The following STYK1 variants were observed in gnomAD, a reference collection of about 807,000 sequenced individuals.
STYK1 encodes STY kinase 1.
In STYK1, 46 loss-of-function variants were observed where a neutral mutation model predicts 48.1. That is an observed-to-expected ratio of 0.96 (90% CI 0.75 to 1.22). STYK1 has a LOEUF of 1.22. Ranked by LOEUF, STYK1 falls within the 50% of genes most tolerant of loss-of-function variation. The pLI, the probability that STYK1 is intolerant of heterozygous loss-of-function variation, is 0.00. For synonymous variants in STYK1, 188 were observed against 189.0 expected (o/e 0.99, Z 0.04); for missense variants, 527 against 521.1 (o/e 1.01, Z -0.11).
chr12:10,643,156 C>A (rs1465051823), intron 1 of STYK1, among the ~76,000 whole-genome samples: 1 of 152,230 alleles, frequency 6.6e-6, no homozygotes, highest in Non-Finnish European at 1.5e-5. Context: ...CTGGAGCCCT[C>A]ACCTGAATGC....
chr12:10,660,777 A>G (rs1947768707), intron 1 of STYK1, among the ~76,000 whole-genome samples: 1 of 152,180 alleles, frequency 6.6e-6, no homozygotes, highest in Non-Finnish European at 1.5e-5. Flanking sequence ...CAGTGTCATG[A>G]CAGTTTACAA....
intron 5 of STYK1, among the ~76,000 whole-genome samples, chr12:10,630,509 A>C (rs1458801903): frequency 6.6e-6 from 1 of 151,504 alleles, no homozygotes; most frequent in African/African-American, 2.4e-5. Context: ...AATCTGTTTT[A>C]ACAGCCTCAA....
chr12:10,667,212 C>T (rs990115049), intron 1 of STYK1: 1 of 152,168 alleles, frequency 6.6e-6, no homozygotes, highest in Non-Finnish European at 1.5e-5. Context: ...AAACAGGTTT[C>T]CTTTTCATTT....
rs532416897 is a variant in STYK1, at chr12:10,653,331, C to T, written c.-194-16135G>A. 1.2e-4 allele frequency among the ~76,000 whole-genome samples: 19 copies of T among 152,056 alleles called. No individual in the cohort carries two copies. The East Asian group carries it at 1.5e-3, about 12-fold the overall frequency. On this transcript the variant is annotated intron_variant, in intron 1 of 10. Transcript: ENST00000075503. Reference sequence around the variant, plus strand: ...CCTCCCAAAGTGCTGGGATTACAGGCATGATCCACCATGCCTGGCCCAATT... The same window carrying T: ...CCTCCCAAAGTGCTGGGATTACAGGTATGATCCACCATGCCTGGCCCAATT...
At chr12:10,650,033 C>G (rs575655884) in intron 1 of STYK1, among the ~76,000 whole-genome samples, 3 of 143,452 alleles carry the variant, frequency 2.1e-5, no homozygotes, top group Admixed American at 7.3e-5. Context: ...AGAATGGCAT[C>G]AACCCAAGGC....
chr12:10,666,695 G>A (rs1188896504), intron 1 of STYK1, among the ~76,000 whole-genome samples: 2 of 152,166 alleles, frequency 1.3e-5, no homozygotes, highest in African/African-American at 4.8e-5. Context: ...TCTCGTGATA[G>A]GAATAAGTTC....
chr12:10,624,711 G>A lies in STYK1; in HGVS notation c.866C>T (p.Pro289Leu). 1.2e-6 allele frequency: 2 copies of A among 1,614,138 alleles called. No homozygotes were observed. Among genetic ancestry groups the A allele is most frequent in the Non-Finnish European group, 1.7e-6 (2 of 1,180,024 alleles). Residue 289 changes from proline (P) to leucine (L), a missense_variant, in exon 8 of 11, where the codon CCT (proline) becomes CTT (leucine). Coordinates refer to ENST00000075503, the MANE Select transcript of STYK1 (RefSeq NM_018423.3). ...CCGTTCTGGGGCAAGCCACTTGAGAGGTATGGTTTGAGTAGAGGAGATGGC... is the reference window on the plus strand; with the variant it reads ...CCGTTCTGGGGCAAGCCACTTGAGAAGTATGGTTTGAGTAGAGGAGATGGC... The part of the protein sequence containing the change: ...RGAISSTQTI[P>L]LKWLAPERLL...
At chr12:10,650,049 T>C (rs1399861521) in intron 1 of STYK1, among the ~76,000 whole-genome samples, 4 of 135,784 alleles carry the variant, frequency 2.9e-5, no homozygotes, top group African/African-American at 1.1e-4. Context: ...AAGGCGGAGC[T>C]TGCAGTGAGC....
Position 10,624,745 on chromosome 12 carries a change from T to C in STYK1, c.832A>G (p.Thr278Ala), listed in dbSNP as rs1298195687. ...TGAGTAGAGGAGATGGCCCCTCGGG[T>C]GTAAACTTCATAAGCCAGGCCTAAT... is the stretch of plus-strand genomic sequence containing the variant. Reference protein sequence around the residue: ...CGLGLAYEVYTRGAISSTQTI... With the variant: ...CGLGLAYEVYARGAISSTQTI... The change falls in exon 8 of 11, where the codon ACC becomes GCC. Residue 278 changes from threonine (T) to alanine (A), a missense_variant. Physicochemically the swap from Thr to Ala is moderately conservative, Grantham distance 58 (BLOSUM62 0). Transcript: ENST00000075503. 3 of 1,614,056 alleles carry C rather than the reference T, an allele frequency of 1.9e-6. No homozygotes were observed. The highest frequency in any genetic ancestry group is 2.5e-6 in the Non-Finnish European group (3 of 1,180,008).
intron 1 of STYK1, among the ~76,000 whole-genome samples, chr12:10,651,574 T>A (rs976947233): frequency 2.0e-5 from 3 of 152,232 alleles, no homozygotes; most frequent in Non-Finnish European, 4.4e-5. Flanking sequence ...TAATTATTCC[T>A]ATGATAGCTA....
chr12:10,655,025 C>T (rs1490928515), intron 1 of STYK1, among the ~76,000 whole-genome samples: 1 of 152,206 alleles, frequency 6.6e-6, no homozygotes, highest in Non-Finnish European at 1.5e-5. Flanking sequence ...TCCCTTTCCT[C>T]CCTCTCTGTA....
intron 1 of STYK1, among the ~76,000 whole-genome samples, chr12:10,648,089 A>G (rs1947620827): frequency 6.6e-6 from 1 of 152,226 alleles, no homozygotes; most frequent in African/African-American, 2.4e-5. Context: ...ATCAGCTTCA[A>G]TCAAGGAAAT....
chr12:10,659,419 T>C (rs1432434028), intron 1 of STYK1, among the ~76,000 whole-genome samples: 2 of 152,342 alleles, frequency 1.3e-5, no homozygotes, highest in East Asian at 3.9e-4. Flanking sequence ...ACTGTTTTTA[T>C]TACCAAGTCT....
At chr12:10,640,042 TAGAATC>T (rs1208957401) in intron 1 of STYK1, among the ~76,000 whole-genome samples, 10 of 152,296 alleles carry the variant, frequency 6.6e-5, no homozygotes, top group African/African-American at 1.9e-4. Context: ...AAAATAGAAG[TAGAATC>T]AGAATTTTTT....
At position 10,634,126 on chromosome 12, in the gene STYK1, T is replaced by C. The variant is rs1947459853; in HGVS notation, c.53-2A>G. The C allele has an allele frequency of 1.9e-6, 3 of 1,603,086 alleles. No homozygotes were observed. Among genetic ancestry groups the C allele is most frequent in the Non-Finnish European group, 2.5e-6 (3 of 1,177,160 alleles). On this transcript the variant is annotated splice_acceptor_variant, in intron 3 of 10. Transcript: ENST00000075503. LOFTEE classifies it high-confidence loss of function. The stretch of plus-strand genomic sequence containing the variant: ...CTTCATACTGCTTCTCCTGGATGAC[T>C]GGGTAGGCGATCACACAGGAAGAGA...
At chr12:10,635,028 T>G (rs1947470705) in intron 2 of STYK1, among the ~76,000 whole-genome samples, 1 of 152,218 alleles carries the variant, frequency 6.6e-6, no homozygotes, top group South Asian at 2.1e-4. Context: ...CCATCTGAAC[T>G]GTGATCCATG....
At chr12:10,630,656 T>C (rs1947416418) in intron 5 of STYK1, among the ~76,000 whole-genome samples, 1 of 151,588 alleles carries the variant, frequency 6.6e-6, no homozygotes, top group Admixed American at 6.6e-5. Flanking sequence ...CATATGATCA[T>C]TTCAATCAAT....
At position 10,629,541 on chromosome 12, in the gene STYK1, C is replaced by T. The variant is rs146491520; in HGVS notation, c.585G>A (p.Glu195=). 51 of 1,614,078 alleles carry T rather than the reference C, an allele frequency of 3.2e-5. No homozygotes were observed. In the African/African-American group the frequency reaches 6.0e-4, roughly 19 times the overall value. ...TGAGCAGGTCCCCCTGGGCCACATC[C>T]TCCAACACCATATAGAGTGGCAGCT... The part of the protein sequence containing the change: ...TEKLPLYMVL[E]DVAQGDLLSF... The change falls in exon 6 of 11, where the codon GAG becomes GAA. Residue 195 remains glutamate (E), a synonymous_variant. Coordinates refer to ENST00000075503, the MANE Select transcript of STYK1 (RefSeq NM_018423.3).
Position 10,625,101 on chromosome 12 carries a change from A to G in STYK1, c.718-242T>C, listed in dbSNP as rs377449768. 3.3e-5 allele frequency among the ~76,000 whole-genome samples: 5 copies of G among 152,346 alleles called. No individual in the cohort carries two copies. The East Asian group carries it at 7.7e-4, about 23-fold the overall frequency. ...CATTAATACTGGATTTTGAAAATAT[A>G]ATCACCTCTGTTTCAAACACTGACC... is the stretch of plus-strand genomic sequence containing the variant. On this transcript the variant is annotated intron_variant, in intron 7 of 10. Coordinates refer to ENST00000075503, the MANE Select transcript of STYK1 (RefSeq NM_018423.3).
Sources: allele counts gnomAD v4.1 joint callset (sites outside exome capture counted in the v4.1 genomes callset), GRCh38; gene constraint gnomAD v4.1.1; transcripts MANE v1.5; gene names NCBI Gene and HGNC (gene_info 2026-07-23, HGNC 2026-07-21).